LOC400499: variants seen among roughly 807,000 people sequenced by gnomAD.
chr16:11,407,978 T>G, the LOC400499 span, among the ~76,000 whole-genome samples: 3 of 138,176 alleles, frequency 2.2e-5, no homozygotes, highest in African/African-American at 2.7e-5. Flanking sequence ...CTGTTTTTTT[T>G]TTTTTTTTTT....
At chr16:11,415,960 GT>G in the LOC400499 span, among the ~76,000 whole-genome samples, 330 of 146,230 alleles carry the variant, frequency 2.3e-3, 3 homozygotes, top group South Asian at 0.016. Flanking sequence ...TTGTTGTTTT[GT>G]TTTTTTTTTT....
the LOC400499 span, chr16:11,459,762 G>C: frequency 1.5e-5 from 14 of 915,926 alleles, no homozygotes; most frequent in Non-Finnish European, 2.0e-5. Flanking sequence ...ATGCAAAAGG[G>C]AAAGTCACCA....
At chr16:11,431,658 G>C in the LOC400499 span, among the ~76,000 whole-genome samples, 3 of 152,126 alleles carry the variant, frequency 2.0e-5, no homozygotes, top group South Asian at 2.1e-4. Flanking sequence ...TGCCCACCTT[G>C]GTTTCCCAAA....
the LOC400499 span, chr16:11,384,792 A>C: frequency 9.1e-7 from 1 of 1,098,964 alleles, no homozygotes; most frequent in Non-Finnish European, 1.2e-6. Flanking sequence ...GAGGCTCTGC[A>C]TGCACGGTAG....
At chr16:11,460,732 C>A in the LOC400499 span, 11 of 1,373,164 alleles carry the variant, frequency 8.0e-6, 1 homozygote, top group South Asian at 1.4e-4. Flanking sequence ...TTTGCTCCAC[C>A]TGTCACTCCA....
the LOC400499 span, among the ~76,000 whole-genome samples, chr16:11,483,994 C>CTTTT: frequency 5.7e-5 from 2 of 34,862 alleles, no homozygotes; most frequent in African/African-American, 1.3e-4. Context: ...GAGGAAGGGA[C>CTTTT]TTTTTTTTTT....
chr16:11,424,804 G>T, the LOC400499 span, among the ~76,000 whole-genome samples: 1 of 152,160 alleles, frequency 6.6e-6, no homozygotes, highest in Non-Finnish European at 1.5e-5. Context: ...CATCCTTGGG[G>T]TCCTGGCTAG....
the LOC400499 span, among the ~76,000 whole-genome samples, chr16:11,440,494 C>A: frequency 1.8e-4 from 27 of 152,212 alleles, no homozygotes; most frequent in Non-Finnish European, 3.7e-4. Context: ...CAGAGCCACG[C>A]TGAACTGCAC....
At chr16:11,430,786 G>A in the LOC400499 span, among the ~76,000 whole-genome samples, 3 of 152,292 alleles carry the variant, frequency 2.0e-5, no homozygotes, top group African/African-American at 4.8e-5. Context: ...GTCCATTAGC[G>A]TGTTAAAGGC....
the LOC400499 span, among the ~76,000 whole-genome samples, chr16:11,482,656 T>C: frequency 1.3e-5 from 2 of 152,060 alleles, no homozygotes; most frequent in African/African-American, 2.4e-5. Context: ...TTTGGGAGGC[T>C]GAGGCAGGAG....
chr16:11,384,070 T>C, the LOC400499 span: 15 of 1,231,300 alleles, frequency 1.2e-5, no homozygotes, highest in Non-Finnish European at 1.2e-5. Flanking sequence ...CCGCGTACAC[T>C]GGCCTCAGCA....
chr16:11,501,936 G>A, the LOC400499 span: 2 of 393,622 alleles, frequency 5.1e-6, no homozygotes, highest in Admixed American at 4.4e-5. Context: ...CAGACTGAAG[G>A]ACAAGTCAGT....
At chr16:11,457,535 G>C in the LOC400499 span, among the ~76,000 whole-genome samples, 4 of 149,676 alleles carry the variant, frequency 2.7e-5, no homozygotes, top group Non-Finnish European at 5.9e-5. Context: ...AGAGCTTGCA[G>C]TGAGCCGAGA....
At chr16:11,478,553 C>T in the LOC400499 span, 4 of 398,984 alleles carry the variant, frequency 1.0e-5, no homozygotes, top group African/African-American at 8.2e-5. Context: ...ATGGCGAGCT[C>T]GGCCAAGTTA....
chr16:11,493,281 G>A, the LOC400499 span, among the ~76,000 whole-genome samples: 27 of 152,332 alleles, frequency 1.8e-4, no homozygotes, highest in Admixed American at 1.1e-3. Context: ...TGCAGGTGGA[G>A]CAGGAAAGCA....
At chr16:11,457,310 C>T in the LOC400499 span, among the ~76,000 whole-genome samples, 2 of 152,082 alleles carry the variant, frequency 1.3e-5, no homozygotes, top group South Asian at 2.1e-4. Context: ...AATTAAAGAT[C>T]GGGCCGGGCA....
chr16:11,387,185 C>T, the LOC400499 span: 36 of 1,232,162 alleles, frequency 2.9e-5, no homozygotes, highest in South Asian at 4.1e-5. Flanking sequence ...AGACAGCTCT[C>T]GGAGCGGCCG....
the LOC400499 span, chr16:11,472,105 TACCAACA>T: frequency 1.8e-5 from 6 of 327,532 alleles, no homozygotes; most frequent in Non-Finnish European, 3.3e-5. Context: ...CAGTAACCCC[TACCAACA>T]ACCAAATATT....
At chr16:11,464,646 G>C in the LOC400499 span, among the ~76,000 whole-genome samples, 1 of 152,128 alleles carries the variant, frequency 6.6e-6, no homozygotes, top group Non-Finnish European at 1.5e-5. Flanking sequence ...TCTTGTATTG[G>C]GTTACAGAGG....
Sources: gnomAD v4.1 joint callset for allele counts (sites outside exome capture counted in the v4.1 genomes callset) on GRCh38, gnomAD v4.1.1 for gene constraint, MANE v1.5 for transcripts.